VRK2: variants seen among roughly 807,000 people sequenced by gnomAD.
VRK2 encodes serine/threonine-protein kinase VRK2.
Under a neutral mutation model 57.6 loss-of-function variants are expected in VRK2, and 60 were observed. That is an observed-to-expected ratio of 1.04 (90% CI 0.85 to 1.29). VRK2 has a LOEUF of 1.29. VRK2 is among the 50% of genes most tolerant of loss of function. VRK2 has a pLI of 0.00. For missense variants in VRK2, 705 were observed against 588.1 expected (o/e 1.20, Z -2.06); for synonymous variants, 231 against 199.2 (o/e 1.16, Z -1.35).
At chr2:58,068,157 T>C (rs1668881919) in intron 2 of VRK2, among the ~76,000 whole-genome samples, 1 of 152,128 alleles carries the variant, frequency 6.6e-6, no homozygotes, top group African/African-American at 2.4e-5. Context: ...CTCAAACTCC[T>C]AACCTCAAGT....
intron 3 of VRK2, among the ~76,000 whole-genome samples, chr2:58,036,444 A>C (rs956740721): frequency 1.4e-4 from 21 of 151,938 alleles, no homozygotes; most frequent in African/African-American, 5.1e-4. Context: ...ACACAAATGA[A>C]TTTTTCTTTG....
chr2:58,027,218 A>G (rs34191187), intron 2 of VRK2, among the ~76,000 whole-genome samples: 31,485 of 151,826 alleles, frequency 0.21, 5,853 homozygotes, highest in African/African-American at 0.5. Flanking sequence ...AATCCAGATT[A>G]CCCAGTGACT....
Position 58,159,391 on chromosome 2 carries a change from C to G in VRK2, c.1225C>G (p.Pro409Ala), listed in dbSNP as rs756980264. ...RRQKYQESQEPLNEVNSFPQK... is the reference protein window; with the variant it reads ...RRQKYQESQEALNEVNSFPQK... ...ACAGAAATATCAAGAGTCTCAAGAACCTTTGAATGAAGTAAACAGTTTCCC... is the reference window on the plus strand; with the variant it reads ...ACAGAAATATCAAGAGTCTCAAGAAGCTTTGAATGAAGTAAACAGTTTCCC... Residue 409 changes from proline to alanine, a missense_variant, in exon 13 of 13, where the codon CCT becomes GCT. Pro to Ala is a conservative substitution (Grantham distance 27). Transcript: ENST00000340157. The G allele has an allele frequency of 6.2e-7, 1 of 1,612,940 alleles. No homozygotes were observed. Among genetic ancestry groups the G allele is most frequent in the East Asian group, 2.2e-5 (1 of 44,836 alleles).
chr2:57,974,234 C>A (rs942639936), intron 1 of VRK2, among the ~76,000 whole-genome samples: 1 of 151,822 alleles, frequency 6.6e-6, no homozygotes, highest in African/African-American at 2.4e-5. Flanking sequence ...ACTGATAAAG[C>A]TTTAATCATA....
At chr2:58,095,676 A>C (rs1673036179) in intron 7 of VRK2, among the ~76,000 whole-genome samples, 1 of 152,124 alleles carries the variant, frequency 6.6e-6, no homozygotes, top group South Asian at 2.1e-4. Context: ...GGTTCTTTAG[A>C]GTTTTCTTAG....
chr2:58,011,796 G>C (rs1451587691), intron 1 of VRK2, among the ~76,000 whole-genome samples: 2 of 152,152 alleles, frequency 1.3e-5, no homozygotes, highest in African/African-American at 4.8e-5. Context: ...TTATGCCACA[G>C]TTTATGCTAT....
At chr2:57,949,683 G>C (rs1671367035) in intron 1 of VRK2, among the ~76,000 whole-genome samples, 1 of 152,140 alleles carries the variant, frequency 6.6e-6, no homozygotes, top group South Asian at 2.1e-4. Flanking sequence ...TCAAGTGAAA[G>C]GAAGAGTTAT....
chr2:58,018,886 C>T (rs1380303165), intron 1 of VRK2, among the ~76,000 whole-genome samples: 1 of 152,164 alleles, frequency 6.6e-6, no homozygotes, highest in Non-Finnish European at 1.5e-5. Context: ...CAGCACTTCC[C>T]GGTTTACACC....
chr2:57,940,898 G>T (rs1467988477), intron 1 of VRK2, among the ~76,000 whole-genome samples: 4 of 148,292 alleles, frequency 2.7e-5, no homozygotes, highest in African/African-American at 9.9e-5. Flanking sequence ...AAAAAAAAAA[G>T]ACCCAAATAA....
At chr2:58,026,407 TTAAC>T (rs1217689741) in intron 2 of VRK2, among the ~76,000 whole-genome samples, 1 of 152,124 alleles carries the variant, frequency 6.6e-6, no homozygotes, top group East Asian at 1.9e-4. Flanking sequence ...TCCTATATGT[TTAAC>T]TAAGAAAAGT....
chr2:58,133,007 G>A (rs1264082768), intron 9 of VRK2, among the ~76,000 whole-genome samples: 1 of 152,054 alleles, frequency 6.6e-6, no homozygotes, highest in Non-Finnish European at 1.5e-5. Flanking sequence ...AAAACACAGT[G>A]ATGTATAAAC....
intron 7 of VRK2, among the ~76,000 whole-genome samples, chr2:58,105,958 T>A (rs1674689705): frequency 6.6e-6 from 1 of 151,924 alleles, no homozygotes; most frequent in Non-Finnish European, 1.5e-5. Context: ...TAACATTTTG[T>A]GAGTGTCTGC....
intron 11 of VRK2, among the ~76,000 whole-genome samples, chr2:58,143,410 C>G (rs1245002193): frequency 2.6e-5 from 4 of 151,930 alleles, no homozygotes; most frequent in Non-Finnish European, 1.5e-5. Flanking sequence ...ACTGTGTTCA[C>G]TATCATCTAC....
At chr2:58,067,782 A>G (rs78831119) in intron 2 of VRK2, among the ~76,000 whole-genome samples, 10,585 of 152,174 alleles carry the variant, frequency 0.07, 446 homozygotes, top group Non-Finnish European at 0.094. Context: ...GAACTGAAGA[A>G]GAGACACACA....
At chr2:58,152,045 C>T (rs938835057) in intron 12 of VRK2, among the ~76,000 whole-genome samples, 1 of 151,660 alleles carries the variant, frequency 6.6e-6, no homozygotes, top group Admixed American at 6.6e-5. Flanking sequence ...ATGCAAGCCA[C>T]ATATGCAATT....
intron 7 of VRK2, among the ~76,000 whole-genome samples, chr2:58,110,424 G>A (rs1439320157): frequency 6.6e-6 from 1 of 151,960 alleles, no homozygotes; most frequent in African/African-American, 2.4e-5. Context: ...TGACAAAAAG[G>A]GAATGAAGCA....
chr2:57,936,531 G>GTTTTTTTTTTTTTT (rs539088139), intron 1 of VRK2, among the ~76,000 whole-genome samples: 6 of 134,958 alleles, frequency 4.4e-5, no homozygotes, highest in African/African-American at 8.4e-5. Flanking sequence ...TTGTTTTTTT[G>GTTTTTTTTTTTTTT]TTTTTTTTTT....
At chr2:57,978,183 T>C (rs938263098) in intron 1 of VRK2, among the ~76,000 whole-genome samples, 7 of 151,184 alleles carry the variant, frequency 4.6e-5, no homozygotes, top group African/African-American at 1.7e-4. Context: ...TACTTGGTGC[T>C]GATTCCAAAG....
Position 58,139,776 on chromosome 2 carries a change from C to G in VRK2, c.967C>G (p.Leu323Val), listed in dbSNP as rs749443952. Residue 323 changes from leucine (L) to valine (V), a missense_variant, in exon 11 of 13, where the codon CTG (leucine) becomes GTG (valine). Transcript: ENST00000340157. ...CCCTCATGGAATACCTTTAGGACCA[C>G]TGGACTTTTCCACAAAAGGACAGAG... ...LNPHGIPLGP[L>V]DFSTKGQSIN... 4 of 1,613,190 alleles carry G rather than the reference C, an allele frequency of 2.5e-6. No individual in the cohort carries two copies. Among genetic ancestry groups the G allele is most frequent in the South Asian group, 1.1e-5 (1 of 91,026 alleles).
Sources: allele counts gnomAD v4.1 joint callset (sites outside exome capture counted in the v4.1 genomes callset), GRCh38; gene constraint gnomAD v4.1.1; transcripts MANE v1.5; gene names NCBI Gene and HGNC (gene_info 2026-07-23, HGNC 2026-07-21).